ZNF595: variants seen among roughly 807,000 people sequenced by gnomAD.
The protein encoded by ZNF595 is zinc finger protein 595.
A neutral mutation model predicts 19.4 loss-of-function variants in ZNF595; 9 were observed. The observed-to-expected ratio is 0.46, with a 90% CI of 0.28 to 0.81. The LOEUF (loss-of-function observed/expected upper bound fraction) is 0.81. Ranked by LOEUF, ZNF595 falls within the 30% of genes least tolerant of loss-of-function variation. ZNF595 has a pLI of 0.11. For synonymous variants in ZNF595, 255 were observed against 255.9 expected (o/e 1.00, Z 0.03); for missense variants, 729 against 736.0 (o/e 0.99, Z 0.11).
chr4:80,279 A>G (rs1713849244), intron 3 of ZNF595, among the ~76,000 whole-genome samples: 2 of 152,200 alleles, frequency 1.3e-5, no homozygotes, highest in East Asian at 1.9e-4. Flanking sequence ...TCGGCCTCCC[A>G]AAGTGCTGGG....
intron 3 of ZNF595, among the ~76,000 whole-genome samples, chr4:64,618 C>T: frequency 6.6e-6 from 1 of 152,310 alleles, no homozygotes; most frequent in Non-Finnish European, 1.5e-5. Flanking sequence ...CATATAGCAG[C>T]ATTGTTTCAT....
At chr4:80,423 C>T (rs1437129144) in intron 3 of ZNF595, among the ~76,000 whole-genome samples, 1 of 152,198 alleles carries the variant, frequency 6.6e-6, no homozygotes, top group African/African-American at 2.4e-5. Context: ...TGATATCATA[C>T]TGGACAGGAA....
chr4:83,503 C>A (rs1714003876), intron 3 of ZNF595, among the ~76,000 whole-genome samples: 1 of 150,842 alleles, frequency 6.6e-6, no homozygotes, highest in Non-Finnish European at 1.5e-5. Context: ...ACCTGTAGTC[C>A]CAGCTACTCA....
intron 3 of ZNF595, among the ~76,000 whole-genome samples, chr4:61,361 C>G (rs1476918229): frequency 6.6e-6 from 1 of 152,308 alleles, no homozygotes; most frequent in East Asian, 1.9e-4. Flanking sequence ...GTTTTGAACT[C>G]CTGACCTCAA....
At position 88,035 on chromosome 4, in the gene ZNF595, A is replaced by G. The variant is rs1714313227; in HGVS notation, c.*584A>G. The G allele has an allele frequency of 6.6e-6, 1 of 151,586 alleles. No homozygotes were observed. Among genetic ancestry groups the G allele is most frequent in the South Asian group, 2.1e-4 (1 of 4,830 alleles). The allele number at this position is 151,586 out of a possible 1,614,324, so 9.4% of individuals were successfully genotyped here. ...GTACCTGGCCACTTTAATTATTTTT[A>G]AATGTGCAATTATTTTTTTACTACA... On this transcript the variant is annotated 3_prime_UTR_variant, in exon 4 of 4. Transcript: ENST00000610261.
Position 86,479 on chromosome 4 carries a change from G to C in ZNF595, c.975G>C (p.Arg325Ser), listed in dbSNP as rs1204702803. The C allele has an allele frequency of 3.7e-6, 6 of 1,604,874 alleles. No individual in the cohort carries two copies. In the East Asian group the frequency reaches 1.1e-4, roughly 30 times the overall value. Residue 325 changes from arginine (R) to serine (S), a missense_variant, in exon 4 of 4, where the codon AGG (arginine) becomes AGC (serine). Physicochemically the swap from Arg to Ser is moderately radical, Grantham distance 110. Coordinates refer to ENST00000610261, the MANE Select transcript of ZNF595 (RefSeq NM_182524.4). ...KECGKAFRQSRSLNEHKNIHT... is the reference protein window; with the variant it reads ...KECGKAFRQSSSLNEHKNIHT... Reference sequence around the variant, plus strand: ...GTGGCAAAGCCTTTAGACAGTCCAGGAGCCTGAATGAACATAAAAATATTC... The same window carrying C: ...GTGGCAAAGCCTTTAGACAGTCCAGCAGCCTGAATGAACATAAAAATATTC...
intron 3 of ZNF595, among the ~76,000 whole-genome samples, chr4:63,066 G>C (rs1712913606): frequency 1.0e-5 from 1 of 98,824 alleles, no homozygotes; most frequent in Non-Finnish European, 1.9e-5. Flanking sequence ...GTATTGACAA[G>C]ACTATACTTT....
Position 86,278 on chromosome 4 carries a change from T to C in ZNF595, c.774T>C (p.Cys258=), listed in dbSNP as rs868951753. 1 of 1,611,610 alleles carries C rather than the reference T, an allele frequency of 6.2e-7. No individual in the cohort carries two copies. Among genetic ancestry groups the C allele is most frequent in the African/African-American group, 1.3e-5 (1 of 74,838 alleles). The change falls in exon 4 of 4, where the codon TGT becomes TGC. Residue 258 remains cysteine, a synonymous_variant. Coordinates refer to ENST00000610261, the MANE Select transcript of ZNF595 (RefSeq NM_182524.4). Reference sequence around the variant, plus strand: ...ATACTGGAGAGAAACCCTACAAATGTGAAGAATGTGGCAAAGCCTTTACAA... The same window carrying C: ...ATACTGGAGAGAAACCCTACAAATGCGAAGAATGTGGCAAAGCCTTTACAA... ...KIHTGEKPYK[C]EECGKAFTRS...
intron 3 of ZNF595, among the ~76,000 whole-genome samples, chr4:70,169 ATC>A (rs1225456011): frequency 1.3e-4 from 20 of 152,116 alleles, no homozygotes; most frequent in African/African-American, 4.1e-4. Flanking sequence ...GTAGATAATT[ATC>A]TTTAATATTT....
intron 3 of ZNF595, among the ~76,000 whole-genome samples, chr4:61,059 C>T (rs1581322717): frequency 1.3e-5 from 2 of 152,236 alleles, no homozygotes; most frequent in East Asian, 1.9e-4. Context: ...TTTTTTGATA[C>T]CCATCACCAC....
At chr4:76,098 T>C (rs1388982406) in intron 3 of ZNF595, among the ~76,000 whole-genome samples, 1 of 152,166 alleles carries the variant, frequency 6.6e-6, no homozygotes, top group Non-Finnish European at 1.5e-5. Context: ...TTTGCCATGT[T>C]GCTCAGGCTG....
rs1298480026 is a variant in ZNF595 at position 88,037 on chromosome 4, A to G, written c.*586A>G. On this transcript the variant is annotated 3_prime_UTR_variant, in exon 4 of 4. Transcript: ENST00000610261. The stretch of plus-strand genomic sequence containing the variant: ...ACCTGGCCACTTTAATTATTTTTAA[A>G]TGTGCAATTATTTTTTTACTACAGG... 1 of 151,650 alleles carries G rather than the reference A, an allele frequency of 6.6e-6. No homozygotes were observed. Among genetic ancestry groups the G allele is most frequent in the African/African-American group, 2.4e-5 (1 of 40,968 alleles). The allele number at this position is 151,650 out of a possible 1,614,324, so 9.4% of individuals were successfully genotyped here.
chr4:86,180 A>G lies in ZNF595; in HGVS notation c.676A>G (p.Lys226Glu), dbSNP rs1471520445. The G allele has an allele frequency of 1.4e-5, 22 of 1,613,838 alleles. No homozygotes were observed. In the Admixed American group the frequency reaches 1.8e-4, roughly 13 times the overall value. ...ACATAAGAGAATTCATACTGGAGAG[A>G]AACCCTACACATGTGAAGAATGTGG... Reference protein sequence around the residue: ...SKHKRIHTGEKPYTCEECGKA... With the variant: ...SKHKRIHTGEEPYTCEECGKA... The change falls in exon 4 of 4, where the codon AAA becomes GAA. Residue 226 changes from lysine to glutamate, a missense_variant. Around this residue, in one of 2 missense-constraint regions of ZNF595, gnomAD observed 729 missense variants for 675.3 expected, o/e 1.08. Coordinates refer to ENST00000610261, the MANE Select transcript of ZNF595 (RefSeq NM_182524.4).
chr4:66,874 T>A (rs1213742440), intron 3 of ZNF595, among the ~76,000 whole-genome samples: 3 of 151,870 alleles, frequency 2.0e-5, no homozygotes, highest in African/African-American at 7.3e-5. Flanking sequence ...GTTGTGCATG[T>A]AACTTTGTTC....
At chr4:83,006 A>G (rs781934396) in intron 3 of ZNF595, among the ~76,000 whole-genome samples, 44 of 152,050 alleles carry the variant, frequency 2.9e-4, no homozygotes, top group Non-Finnish European at 5.3e-4. Context: ...GTCTTGCTTT[A>G]CTTCTGTCAG....
chr4:82,698 A>G (rs1713968895), intron 3 of ZNF595, among the ~76,000 whole-genome samples: 1 of 151,884 alleles, frequency 6.6e-6, no homozygotes, highest in Admixed American at 6.6e-5. Context: ...TTCTTTTTTT[A>G]ATTAATTTCT....
At chr4:72,825 T>G (rs1437691615) in intron 3 of ZNF595, among the ~76,000 whole-genome samples, 1 of 152,140 alleles carries the variant, frequency 6.6e-6, no homozygotes, top group Non-Finnish European at 1.5e-5. Context: ...TGACTGGGAA[T>G]CAGACCTAAG....
chr4:76,046 A>G (rs1713647592), intron 3 of ZNF595, among the ~76,000 whole-genome samples: 1 of 151,908 alleles, frequency 6.6e-6, no homozygotes, highest in Admixed American at 6.6e-5. Flanking sequence ...ACATGCCACC[A>G]TGTCCGGCTA....
chr4:82,661 G>A (rs924319685), intron 3 of ZNF595, among the ~76,000 whole-genome samples: 12 of 151,888 alleles, frequency 7.9e-5, no homozygotes, highest in African/African-American at 1.5e-4. Flanking sequence ...TTGGATTACA[G>A]GCATGAGCCA....
Sources: gnomAD v4.1 joint callset for allele counts (sites outside exome capture counted in the v4.1 genomes callset) on GRCh38, gnomAD v4.1.1 for gene constraint, gnomAD v4.1.1 regional missense constraint, MANE v1.5 for transcripts, NCBI Gene and HGNC (gene_info 2026-07-23, HGNC 2026-07-21) for gene names.